The following SNX10 variants were observed in gnomAD, a reference collection of about 807,000 sequenced individuals.
SNX10 encodes the protein sorting nexin 10.
A neutral mutation model predicts 28.5 loss-of-function variants in SNX10; 25 were observed. The observed-to-expected ratio is 0.88, with a 90% CI of 0.64 to 1.22. The LOEUF (loss-of-function observed/expected upper bound fraction) is 1.22. Among genes scored for constraint, SNX10 ranks in the 50% most tolerant of loss-of-function variants. SNX10 has a pLI of 0.00. For missense variants in SNX10, 223 were observed against 242.6 expected, an observed-to-expected ratio of 0.92 and a Z score of 0.54; for synonymous variants, 62 against 81.4, an observed-to-expected ratio of 0.76 and a Z score of 1.28.
intron 1 of SNX10, among the ~76,000 whole-genome samples, chr7:26,305,542 T>A (rs763366626): frequency 3.3e-5 from 5 of 152,204 alleles, no homozygotes; most frequent in Non-Finnish European, 7.3e-5. Context: ...AGCTCTGGGC[T>A]CTGGAATCTC....
In SNX10 at chr7:26,373,823, T is replaced by C. The variant is rs1789669538; in HGVS notation, c.*1251T>C. On this transcript the variant is annotated 3_prime_UTR_variant, in exon 7 of 7. Transcript: ENST00000338523. This position sits in a 1 kb window ranked among gnomAD's most constrained non-coding sequence, Gnocchi z 4.2. Reference sequence around the variant, plus strand: ...TACTACAAAAAGCAACCTTTTCATTTTCACTAAGAGTTTAAAAGCTATTGT... The same window carrying C: ...TACTACAAAAAGCAACCTTTTCATTCTCACTAAGAGTTTAAAAGCTATTGT... 6.6e-6 allele frequency: 1 copy of C among 152,050 alleles called. No homozygotes were observed. The highest frequency in any genetic ancestry group is 1.5e-5 in the Non-Finnish European group (1 of 67,898). 9.4% of individuals were successfully genotyped at this position (152,050 alleles called of 1,614,324 possible). A position where few individuals can be genotyped will look rare whatever the true frequency, so the allele number is the denominator to read the frequency against.
chr7:26,361,025 C>G lies in SNX10; in HGVS notation c.75C>G (p.Phe25Leu). 1.2e-6 allele frequency: 2 copies of G among 1,610,404 alleles called. No homozygotes were observed. The highest frequency in any genetic ancestry group is 1.7e-6 in the Non-Finnish European group (2 of 1,177,362). Residue 25 changes from phenylalanine to leucine, a missense_variant, in exon 3 of 7, where the codon TTC (phenylalanine) becomes TTG (leucine). Transcript: ENST00000338523. ...VRDPRIQKED[F>L]WHSYIDYEIC... ...ATCCTAGGATTCAGAAGGAGGACTT[C>G]TGGCATTCTTACATTGACTATGAGA...
chr7:26,315,012 A>AACAAAAAG (rs1787018998), intron 1 of SNX10, among the ~76,000 whole-genome samples: 2 of 152,218 alleles, frequency 1.3e-5, no homozygotes, highest in Non-Finnish European at 2.9e-5. Flanking sequence ...AAACAAAAAA[A>AACAAAAAG]CAACCAAGGA....
intron 1 of SNX10, among the ~76,000 whole-genome samples, chr7:26,329,708 C>T (rs780241263): frequency 2.6e-5 from 4 of 152,158 alleles, no homozygotes; most frequent in Non-Finnish European, 5.9e-5. Context: ...AGGCATCAGG[C>T]AATGATCACA....
At chr7:26,372,060 T>G in intron 6 of SNX10, 27 bp downstream of exon 6, 1 of 1,384,524 alleles carries the variant, frequency 7.2e-7, no homozygotes, top group Non-Finnish European at 1.0e-6. Context: ...TGATTTAATG[T>G]ATATGTATTT....
chr7:26,315,199 G>A (rs941961227), intron 1 of SNX10, among the ~76,000 whole-genome samples: 5 of 152,162 alleles, frequency 3.3e-5, no homozygotes, highest in Non-Finnish European at 7.3e-5. Context: ...CCCTATAGAT[G>A]TGATCATAGA....
chr7:26,358,837 CTGT>C (rs1413373467), intron 2 of SNX10, among the ~76,000 whole-genome samples: 3 of 86,856 alleles, frequency 3.5e-5, no homozygotes, highest in Non-Finnish European at 6.1e-5. Flanking sequence ...CCAAGTCTTG[CTGT>C]TGTTGGCCCG....
intron 2 of SNX10, among the ~76,000 whole-genome samples, chr7:26,357,892 A>G (rs1788888743): frequency 6.6e-6 from 1 of 152,050 alleles, no homozygotes; most frequent in African/African-American, 2.4e-5. Context: ...GGATCAGGCT[A>G]GAGGCTGGAT....
intron 1 of SNX10, among the ~76,000 whole-genome samples, chr7:26,327,428 A>G (rs1301583049): frequency 6.6e-6 from 1 of 152,160 alleles, no homozygotes; most frequent in Non-Finnish European, 1.5e-5. Flanking sequence ...AGTGCAATAT[A>G]TCACCTGGTT....
chr7:26,299,001 A>G (rs894035646), intron 1 of SNX10, among the ~76,000 whole-genome samples: 2 of 152,194 alleles, frequency 1.3e-5, no homozygotes, highest in African/African-American at 4.8e-5. Flanking sequence ...GGGCTTTACT[A>G]TATGCATTTT....
chr7:26,345,330 T>G (rs958200792), intron 1 of SNX10, among the ~76,000 whole-genome samples: 26 of 152,204 alleles, frequency 1.7e-4, no homozygotes, highest in African/African-American at 5.5e-4. Context: ...TCTGTGGGTG[T>G]TGTTGTTGCT....
chr7:26,351,354 A>G (rs1473162797), intron 2 of SNX10, among the ~76,000 whole-genome samples: 2 of 152,216 alleles, frequency 1.3e-5, no homozygotes, highest in African/African-American at 4.8e-5. Flanking sequence ...TGTGGAAGTG[A>G]TATCACCTGG....
intron 2 of SNX10, 82 bp from the exon 3 acceptor site, chr7:26,360,893 T>A (rs1317250479): frequency 6.4e-7 from 1 of 1,574,010 alleles, no homozygotes; most frequent in African/African-American, 1.4e-5. Flanking sequence ...CAGTTTTGTT[T>A]TAGTGCAGTC....
chr7:26,328,800 T>C (rs6461926), intron 1 of SNX10, among the ~76,000 whole-genome samples: 83,491 of 152,090 alleles, frequency 0.55, 23,243 homozygotes, highest in East Asian at 0.8. Flanking sequence ...CATGGAATGT[T>C]TGTCTCCTTC....
intron 1 of SNX10, among the ~76,000 whole-genome samples, chr7:26,330,613 A>G (rs1214822920): frequency 6.6e-6 from 1 of 152,178 alleles, no homozygotes; most frequent in Non-Finnish European, 1.5e-5. Context: ...ACGGAGTCAG[A>G]TCCAGGTAGA....
intron 1 of SNX10, among the ~76,000 whole-genome samples, chr7:26,297,893 A>C (rs1257576510): frequency 6.6e-6 from 1 of 152,068 alleles, no homozygotes; most frequent in Non-Finnish European, 1.5e-5. Context: ...CACATTTTTT[A>C]AAAAGTAAGG....
chr7:26,319,362 C>G (rs1339081352), intron 1 of SNX10, among the ~76,000 whole-genome samples: 1 of 152,160 alleles, frequency 6.6e-6, no homozygotes, highest in Non-Finnish European at 1.5e-5. Context: ...CATTTCTGTT[C>G]TTCAGTTTCT....
In SNX10 at chr7:26,364,181, A is replaced by C. The variant is rs2698717; in HGVS notation, c.112-354A>C. The C allele has an allele frequency of 1.3e-5, 4 of 312,160 alleles. No homozygotes were observed. Among genetic ancestry groups the C allele is most frequent in the Non-Finnish European group, 1.9e-5 (4 of 212,586 alleles). The allele number at this position is 312,160 out of a possible 1,614,324, so 19.3% of individuals were successfully genotyped here. A position where few individuals can be genotyped will look rare whatever the true frequency, so the allele number is the denominator to read the frequency against. On this transcript the variant is annotated intron_variant, in intron 3 of 6. Coordinates refer to ENST00000338523, the MANE Select transcript of SNX10 (RefSeq NM_013322.3). This position sits in a 1 kb window ranked among gnomAD's most constrained non-coding sequence, Gnocchi z 4.9. ...CTTACGTGGATGGTGGTAAAATGCA[A>C]CGGATGAACCTGAGCTCCTACCTGT...
At chr7:26,318,727 T>C (rs1787191327) in intron 1 of SNX10, among the ~76,000 whole-genome samples, 1 of 152,210 alleles carries the variant, frequency 6.6e-6, no homozygotes, top group African/African-American at 2.4e-5. Flanking sequence ...TGCCTTGGCC[T>C]CCCAAATTGC....
Sources: gnomAD v4.1 joint callset for allele counts (sites outside exome capture counted in the v4.1 genomes callset) on GRCh38, gnomAD v4.1.1 for gene constraint, Gnocchi (gnomAD v3.1) non-coding constraint, MANE v1.5 for transcripts, NCBI Gene and HGNC (gene_info 2026-07-23, HGNC 2026-07-21) for gene names.